Variants in ADAP1 observed in about 807,000 individuals in gnomAD.
ADAP1 encodes the protein arf-GAP with dual PH domain-containing protein 1.
Under a neutral mutation model 54.9 loss-of-function variants are expected in ADAP1, and 31 were observed. The ratio of observed to expected loss-of-function variants is 0.56; its 90% CI spans 0.42 to 0.76. ADAP1 has a LOEUF of 0.76. ADAP1 is among the 30% of genes least tolerant of loss of function. The pLI is 0.00. For synonymous variants in ADAP1, 313 were observed against 202.6 expected, an observed-to-expected ratio of 1.55 and a Z score of -4.63; for missense variants, 535 against 512.4, an observed-to-expected ratio of 1.04 and a Z score of -0.42.
At chr7:951,317 G>C (rs1847265223) in intron 1 of ADAP1, among the ~76,000 whole-genome samples, 1 of 151,514 alleles carries the variant, frequency 6.6e-6, no homozygotes, top group Non-Finnish European at 1.5e-5. Context: ...AGCTTGCAGT[G>C]AGCCGAGATC....
At chr7:939,145 C>G (rs1177476206) in intron 1 of ADAP1, among the ~76,000 whole-genome samples, 1 of 152,204 alleles carries the variant, frequency 6.6e-6, no homozygotes, top group Non-Finnish European at 1.5e-5. Context: ...CATTTATGAA[C>G]TGTCTATAGC....
At chr7:937,111 GGGGTCACGCCCGA>G (rs2128109269) in intron 1 of ADAP1, among the ~76,000 whole-genome samples, 1 of 104,502 alleles carries the variant, frequency 9.6e-6, no homozygotes, top group East Asian at 3.1e-4. Flanking sequence ...CTCGGATTTG[GGGGTCACGCCCGA>G]CCTCTGGGAT....
chr7:917,994 G>A (rs546818216), intron 4 of ADAP1, among the ~76,000 whole-genome samples: 1 of 152,144 alleles, frequency 6.6e-6, no homozygotes, highest in African/African-American at 2.4e-5. Flanking sequence ...TCGCCACGTT[G>A]CTCAGGCTGG....
chr7:935,557 G>C (rs1424137715), intron 1 of ADAP1, 52 bp from the exon 2 acceptor site: 1 of 1,546,698 alleles, frequency 6.5e-7, no homozygotes, highest in South Asian at 1.2e-5. Context: ...GACCCCGGAG[G>C]GAGGGTGGAC....
intron 8 of ADAP1, among the ~76,000 whole-genome samples, chr7:899,719 C>A (rs796446828): frequency 9.9e-5 from 15 of 152,212 alleles, no homozygotes; most frequent in African/African-American, 3.6e-4. Flanking sequence ...CCTCCCTGGG[C>A]CCCAGATGGG....
In ADAP1 at chr7:920,935, C is replaced by T. The variant is rs909457452; in HGVS notation, c.306-885G>A. The T allele has an allele frequency of 2.8e-5, 41 of 1,438,664 alleles. No homozygotes were observed. The highest frequency in any genetic ancestry group is 1.7e-4 in the Middle Eastern group (1 of 5,764). The allele number at this position is 1,438,664 out of a possible 1,614,324, so 89.1% of individuals were successfully genotyped here. A position where few individuals can be genotyped will look rare whatever the true frequency, so the allele number is the denominator to read the frequency against. Reference sequence around the variant, plus strand: ...ACCCTGTGGCTTCCTGCTGGGCCCACGTGAACAGCCTTGGAGACTGGGCGG... The same window carrying T: ...ACCCTGTGGCTTCCTGCTGGGCCCATGTGAACAGCCTTGGAGACTGGGCGG... On this transcript the variant is annotated intron_variant, in intron 3 of 10. Coordinates refer to ENST00000265846, the MANE Select transcript of ADAP1 (RefSeq NM_006869.4). This position sits in a 1 kb window ranked among gnomAD's most constrained non-coding sequence, Gnocchi z 4.5.
At chr7:921,482 G>A (rs1428553346) in intron 3 of ADAP1, among the ~76,000 whole-genome samples, 1 of 152,142 alleles carries the variant, frequency 6.6e-6, no homozygotes, top group South Asian at 2.1e-4. Flanking sequence ...ACCACGACTT[G>A]GTAATTTTTT....
intron 6 of ADAP1, chr7:900,888 C>CAAA: frequency 3.4e-6 from 2 of 594,392 alleles, no homozygotes; most frequent in South Asian, 3.1e-5. Context: ...GCCGAAGGGC[C>CAAA]GGGCCGGGCC....
At chr7:909,042 G>A (rs1193167196) in intron 4 of ADAP1, among the ~76,000 whole-genome samples, 5 of 152,190 alleles carry the variant, frequency 3.3e-5, no homozygotes, top group East Asian at 1.9e-4. Context: ...CGCAGGCCGC[G>A]GGGTCTGGGA....
chr7:934,615 G>C (rs989107599), intron 2 of ADAP1, among the ~76,000 whole-genome samples: 1 of 152,048 alleles, frequency 6.6e-6, no homozygotes, highest in African/African-American at 2.4e-5. Flanking sequence ...CAGGCCCCAC[G>C]CTCCATCCGA....
Position 900,515 on chromosome 7 carries a change from C to A in ADAP1, c.732+18G>T. 1 of 1,589,988 alleles carries A rather than the reference C, an allele frequency of 6.3e-7. No individual in the cohort carries two copies. Among genetic ancestry groups the A allele is most frequent in the Non-Finnish European group, 8.6e-7 (1 of 1,167,974 alleles). On this transcript the variant is annotated intron_variant, in intron 7 of 10. Transcript: ENST00000265846. Reference sequence around the variant, plus strand: ...CACCCCTGTCTGCCCTGGAGCTGACCGCAGGGCCGCCACTCACATCTGCGT... The same window carrying A: ...CACCCCTGTCTGCCCTGGAGCTGACAGCAGGGCCGCCACTCACATCTGCGT...
At chr7:954,309 G>A (rs1847336285) in intron 1 of ADAP1, 87 bp downstream of exon 1, 8 of 957,408 alleles carry the variant, frequency 8.4e-6, no homozygotes, top group Non-Finnish European at 1.0e-5. Flanking sequence ...TCCCCCGCCC[G>A]GTCCCCGGGG....
intron 2 of ADAP1, among the ~76,000 whole-genome samples, chr7:929,165 G>A (rs539210104): frequency 2.2e-4 from 33 of 152,096 alleles, no homozygotes; most frequent in Non-Finnish European, 3.5e-4. Flanking sequence ...GGTGGTGCAC[G>A]CCCGTAATCC....
chr7:940,444 A>T (rs994030864), intron 1 of ADAP1, among the ~76,000 whole-genome samples: 4 of 152,170 alleles, frequency 2.6e-5, no homozygotes, highest in Non-Finnish European at 5.9e-5. Context: ...TGTTGGAGAC[A>T]GGAGCAACAC....
At chr7:925,076 G>A (rs1846336266) in intron 3 of ADAP1, among the ~76,000 whole-genome samples, 1 of 152,074 alleles carries the variant, frequency 6.6e-6, no homozygotes, top group South Asian at 2.1e-4. Context: ...GCGATGTGGG[G>A]ATTGCAGCTG....
chr7:909,825 G>C (rs1242708406), intron 4 of ADAP1, among the ~76,000 whole-genome samples: 3 of 152,046 alleles, frequency 2.0e-5, no homozygotes, highest in Non-Finnish European at 4.4e-5. Flanking sequence ...CTGTGAGCTG[G>C]TCCCGCTGTG....
chr7:928,916 C>T (rs957515432), intron 2 of ADAP1, among the ~76,000 whole-genome samples: 6 of 152,344 alleles, frequency 3.9e-5, no homozygotes, highest in South Asian at 2.1e-4. Flanking sequence ...CAGCTGAGAA[C>T]GGGAACAAGC....
rs1232176911 is a variant in ADAP1 at position 954,661 on chromosome 7, G to C, written c.-184C>G. The C allele has an allele frequency of 1.0e-6, 1 of 982,292 alleles. No individual in the cohort carries two copies. The highest frequency in any genetic ancestry group is 1.2e-6 in the Non-Finnish European group (1 of 829,248). 60.8% of individuals were successfully genotyped at this position (982,292 alleles called of 1,614,324 possible). A position where few individuals can be genotyped will look rare whatever the true frequency, so the allele number is the denominator to read the frequency against. Reference sequence around the variant, plus strand: ...CTCCGCCGCCGCCGCTCGTGTCTCCGCCGCGGTCGCTGAGCGAGTGCCGGC... The same window carrying C: ...CTCCGCCGCCGCCGCTCGTGTCTCCCCCGCGGTCGCTGAGCGAGTGCCGGC... On this transcript the variant is annotated 5_prime_UTR_variant, in exon 1 of 11. Transcript: ENST00000265846.
At chr7:900,883 AGGGCCGGGCC>A (rs768360845) in intron 6 of ADAP1, 129 of 393,380 alleles carry the variant, frequency 3.3e-4, no homozygotes, top group Admixed American at 5.0e-4. Flanking sequence ...GAAGGGCCGA[AGGGCCGGGCC>A]GGGCCGGGCT....
Sources: gnomAD v4.1 joint callset for allele counts (sites outside exome capture counted in the v4.1 genomes callset) on GRCh38, gnomAD v4.1.1 for gene constraint, Gnocchi (gnomAD v3.1) non-coding constraint, MANE v1.5 for transcripts, NCBI Gene and HGNC (gene_info 2026-07-23, HGNC 2026-07-21) for gene names.